Variants in ZSCAN5A observed in about 807,000 individuals in gnomAD.
The protein encoded by ZSCAN5A is zinc finger and SCAN domain containing 5A, also known as zinc finger and SCAN domain-containing protein 5A.
In ZSCAN5A, 12 loss-of-function variants were observed where a neutral mutation model predicts 23.7. That is an observed-to-expected ratio of 0.51 (90% CI 0.32 to 0.82). The LOEUF is 0.82. Among genes scored for constraint, ZSCAN5A ranks in the 40% least tolerant of loss-of-function variants. ZSCAN5A has a pLI of 0.03. For synonymous variants in ZSCAN5A, 257 were observed against 239.9 expected (o/e 1.07, Z -0.66); for missense variants, 597 against 617.9 (o/e 0.97, Z 0.36).
At chr19:56,270,004 C>A (rs1361525333) in intron 2 of ZSCAN5A, among the ~76,000 whole-genome samples, 2 of 152,074 alleles carry the variant, frequency 1.3e-5, no homozygotes, top group Non-Finnish European at 2.9e-5. Flanking sequence ...GGATTGGCAT[C>A]CACACTGGAT....
chr19:56,245,565 C>G lies in ZSCAN5A; in HGVS notation c.-127-20392G>C. 6.5e-6 allele frequency: 2 copies of G among 307,336 alleles called. 1 individual carries two copies. Among genetic ancestry groups the G allele is most frequent in the Admixed American group, 9.9e-5 (2 of 20,164 alleles). The allele number at this position is 307,336 out of a possible 1,614,324, so 19.0% of individuals were successfully genotyped here. A position where few individuals can be genotyped will look rare whatever the true frequency, so the allele number is the denominator to read the frequency against. On this transcript the variant is annotated intron_variant, in intron 2 of 5. Transcript: ENST00000683990. Reference sequence around the variant, plus strand: ...CCCATGGATGTGTTACATCCTTAGACATTCCTGAGTCATCACAGAGAATGA... The same window carrying G: ...CCCATGGATGTGTTACATCCTTAGAGATTCCTGAGTCATCACAGAGAATGA...
Position 56,224,786 on chromosome 19 carries a change from C to T in ZSCAN5A, c.261G>A (p.Leu87=). The change falls in exon 3 of 6, where the codon CTG becomes CTA. Residue 87 remains leucine (L), a synonymous_variant. Coordinates refer to ENST00000683990, the MANE Select transcript of ZSCAN5A (RefSeq NM_001322064.3). ...LHTKEQILDM[L]VMEQFMISMP... is the part of the protein sequence containing the mutation. ...TGGAGATCATGAACTGCTCCATCACCAGCATGTCCAGGATCTGCTCTTTGG... is the reference window on the plus strand; with the variant it reads ...TGGAGATCATGAACTGCTCCATCACTAGCATGTCCAGGATCTGCTCTTTGG... 6.2e-7 allele frequency: 1 copy of T among 1,609,318 alleles called. No individual in the cohort carries two copies. Among genetic ancestry groups the T allele is most frequent in the Non-Finnish European group, 8.5e-7 (1 of 1,177,202 alleles).
At chr19:56,302,061 C>G in intron 2 of ZSCAN5A, 1 of 1,231,830 alleles carries the variant, frequency 8.1e-7, no homozygotes, top group Non-Finnish European at 1.0e-6. Context: ...ATGGTGATGA[C>G]CTACCTCTTC....
Position 56,320,141 on chromosome 19 carries a change from T to A in ZSCAN5A, c.-357-3873A>T, listed in dbSNP as rs1177575905. 6.7e-6 allele frequency: 5 copies of A among 743,418 alleles called. No homozygotes were observed. The Admixed American group carries it at 8.8e-5, about 13-fold the overall frequency. The allele number at this position is 743,418 out of a possible 1,614,324, so 46.1% of individuals were successfully genotyped here. ...ATCTGTTAACTGTTCTGATCAAAGTTTAGTCTGTTTCATAATATAGAAACT... is the reference window on the plus strand; with the variant it reads ...ATCTGTTAACTGTTCTGATCAAAGTATAGTCTGTTTCATAATATAGAAACT... On this transcript the variant is annotated intron_variant, in intron 2 of 6. Transcript: ENST00000587340.
chr19:56,249,633 A>G (rs1258655308), intron 2 of ZSCAN5A, among the ~76,000 whole-genome samples: 1 of 152,094 alleles, frequency 6.6e-6, no homozygotes, highest in Non-Finnish European at 1.5e-5. Flanking sequence ...GCTCTGCACC[A>G]TTTCCCCCAC....
intron 2 of ZSCAN5A, among the ~76,000 whole-genome samples, chr19:56,334,005 G>A (rs1001573548): frequency 6.6e-6 from 1 of 152,136 alleles, no homozygotes; most frequent in African/African-American, 2.4e-5. Context: ...GATTACACTA[G>A]CTCTTCAGCA....
chr19:56,284,890 C>T lies in ZSCAN5A; in HGVS notation c.-128+28393G>A, dbSNP rs547366772. ...TCATGACTGAGGCATTATAGCCACACTTCCTGAAGAAGAGTTTGTTACATC... is the reference window on the plus strand; with the variant it reads ...TCATGACTGAGGCATTATAGCCACATTTCCTGAAGAAGAGTTTGTTACATC... On this transcript the variant is annotated intron_variant, in intron 2 of 5. Coordinates refer to ENST00000683990, the MANE Select transcript of ZSCAN5A (RefSeq NM_001322064.3). The T allele has an allele frequency of 9.8e-6, 4 of 409,214 alleles. No individual in the cohort carries two copies. The South Asian group carries it at 3.1e-4, about 31-fold the overall frequency. The allele number at this position is 409,214 out of a possible 1,614,324, so 25.3% of individuals were successfully genotyped here.
At chr19:56,227,477 G>T (rs2034060738) in intron 2 of ZSCAN5A, among the ~76,000 whole-genome samples, 1 of 152,132 alleles carries the variant, frequency 6.6e-6, no homozygotes, top group Non-Finnish European at 1.5e-5. Flanking sequence ...ATAACAGCCT[G>T]GGCAACATAG....
rs775908186 is a variant in ZSCAN5A, at chr19:56,222,625, C to A, written c.705G>T (p.Leu235=). The change falls in exon 5 of 6, where the codon CTG becomes CTT. Residue 235 remains leucine (L), a synonymous_variant. Coordinates refer to ENST00000683990, the MANE Select transcript of ZSCAN5A (RefSeq NM_001322064.3). ...LKENREENPG[L]TSPEPQLPKS... is the part of the protein sequence containing the mutation. ...TTGGAAGCTGAGGCTCTGGGGATGT[C>A]AGTCCTGGGTTCTCTTCCCTGTTTT... 2 of 1,614,192 alleles carry A rather than the reference C, an allele frequency of 1.2e-6. No homozygotes were observed. The highest frequency in any genetic ancestry group is 2.2e-5 in the South Asian group (2 of 91,076).
intron 2 of ZSCAN5A, among the ~76,000 whole-genome samples, chr19:56,294,749 G>A (rs528039693): frequency 3.3e-5 from 5 of 152,298 alleles, no homozygotes; most frequent in East Asian, 1.9e-4. Flanking sequence ...TCCACCCACC[G>A]ATGAATGGGT....
At chr19:56,288,638 G>A (rs1361317234) in intron 2 of ZSCAN5A, among the ~76,000 whole-genome samples, 1 of 152,328 alleles carries the variant, frequency 6.6e-6, no homozygotes, top group South Asian at 2.1e-4. Context: ...CCAGCACACA[G>A]GAGATGCCTC....
At chr19:56,336,957 G>A (rs988676046) in intron 2 of ZSCAN5A, among the ~76,000 whole-genome samples, 2 of 152,318 alleles carry the variant, frequency 1.3e-5, no homozygotes, top group Admixed American at 1.3e-4. Flanking sequence ...TTGTCTCAGA[G>A]GAGTACCCAG....
chr19:56,343,626 T>C (rs1292823518), intron 2 of ZSCAN5A, among the ~76,000 whole-genome samples: 2 of 152,204 alleles, frequency 1.3e-5, no homozygotes, highest in African/African-American at 4.8e-5. Context: ...TTACAGAAGG[T>C]CACACAGGTA....
At chr19:56,269,278 C>T (rs2037680219) in intron 2 of ZSCAN5A, among the ~76,000 whole-genome samples, 1 of 152,146 alleles carries the variant, frequency 6.6e-6, no homozygotes, top group South Asian at 2.1e-4. Flanking sequence ...TCCACATCCC[C>T]TCAATATACT....
intron 4 of ZSCAN5A, 100 bp downstream of exon 4, chr19:56,223,531 C>G (rs2033531944): frequency 1.4e-5 from 18 of 1,268,508 alleles, no homozygotes; most frequent in Non-Finnish European, 1.8e-5. Context: ...TGGCTCTAAT[C>G]TTGTCCTGTG....
rs180715205 is a variant in ZSCAN5A at position 56,325,292 on chromosome 19, C to T, written c.-357-9024G>A. 2.0e-3 allele frequency among the ~76,000 whole-genome samples: 298 copies of T among 152,338 alleles called. 2 individuals are homozygous for T. The highest frequency in any genetic ancestry group is 3.5e-3 in the Admixed American group (54 of 15,304). ...GTGTGTCTTTTCTTCTCCCCTCACA[C>T]GTTTCCCACACAGAATGGGGCCCCT... On this transcript the variant is annotated intron_variant, in intron 2 of 6. Coordinates refer to the ZSCAN5A transcript ENST00000587340.
intron 2 of ZSCAN5A, chr19:56,343,246 AC>A: frequency 6.0e-6 from 5 of 833,504 alleles, no homozygotes; most frequent in Non-Finnish European, 5.8e-6. Context: ...GTCCTTGGCA[AC>A]CCCCTTCAGT....
At chr19:56,242,013 T>C (rs2035463311) in intron 2 of ZSCAN5A, among the ~76,000 whole-genome samples, 1 of 152,196 alleles carries the variant, frequency 6.6e-6, no homozygotes, top group African/African-American at 2.4e-5. Flanking sequence ...TTTCACTGTT[T>C]TGGAGTCCAC....
In ZSCAN5A at chr19:56,271,965, A is replaced by C. The variant is rs752746957; in HGVS notation, c.-128+41318T>G. On this transcript the variant is annotated intron_variant, in intron 2 of 5. Coordinates refer to ENST00000683990, the MANE Select transcript of ZSCAN5A (RefSeq NM_001322064.3). ...TTCCCTGTGGCTGCTATGAAAAATTATTACAAACTTAATGGCTACAACAGT... is the reference window on the plus strand; with the variant it reads ...TTCCCTGTGGCTGCTATGAAAAATTCTTACAAACTTAATGGCTACAACAGT... Among the ~76,000 whole-genome samples the C allele has an allele frequency of 2.6e-5, 4 of 152,218 alleles. No individual in the cohort carries two copies. In the East Asian group the frequency reaches 7.7e-4, roughly 29 times the overall value.
Sources: gnomAD v4.1 joint callset for allele counts (sites outside exome capture counted in the v4.1 genomes callset) on GRCh38, gnomAD v4.1.1 for gene constraint, MANE v1.5 for transcripts, NCBI Gene and HGNC (gene_info 2026-07-23, HGNC 2026-07-21) for gene names.